The following DNAH11 variants were observed in gnomAD, a reference collection of about 807,000 sequenced individuals.
DNAH11 encodes the protein dynein axonemal heavy chain 11, also known as axonemal beta dynein heavy chain 11.
In DNAH11, 442 loss-of-function variants were observed where a neutral mutation model predicts 526.0. The ratio of observed to expected loss-of-function variants is 0.84; its 90% confidence interval spans 0.78 to 0.91. DNAH11 has a LOEUF of 0.91. Ranked by LOEUF, DNAH11 falls within the 40% of genes least tolerant of loss-of-function variation. DNAH11 has a pLI of 0.00. For synonymous variants in DNAH11, 2,461 were observed against 1,935.9 expected (o/e 1.27, Z -7.12); for missense variants, 6,989 against 5,448.7 (o/e 1.28, Z -8.90).
chr7:21,735,568 T>C (rs948725538), intron 45 of DNAH11, 72 bp from the exon 46 acceptor site: 1 of 1,330,910 alleles, frequency 7.5e-7, no homozygotes, highest in Admixed American at 2.2e-5. Flanking sequence ...ATATAAAATT[T>C]TGGAATGCCT....
chr7:21,565,325 A>G (rs1477838356), intron 6 of DNAH11, among the ~76,000 whole-genome samples: 1 of 152,138 alleles, frequency 6.6e-6, no homozygotes, highest in African/African-American at 2.4e-5. Flanking sequence ...ATTTAATCAC[A>G]GTTACCTCCT....
chr7:21,866,417 A>T (rs1026271572), intron 70 of DNAH11, 53 bp from the exon 71 acceptor site: 2 of 1,516,546 alleles, frequency 1.3e-6, no homozygotes, highest in African/African-American at 2.8e-5. Flanking sequence ...CTTCTTCTCA[A>T]ACTGTAAAGT....
intron 28 of DNAH11, among the ~76,000 whole-genome samples, chr7:21,652,260 A>G (rs1006987477): frequency 1.3e-5 from 2 of 152,218 alleles, no homozygotes; most frequent in African/African-American, 4.8e-5. Context: ...GCCAGGAAAA[A>G]CAAACATATT....
At chr7:21,746,310 A>G (rs1786149762) in intron 51 of DNAH11, among the ~76,000 whole-genome samples, 1 of 152,218 alleles carries the variant, frequency 6.6e-6, no homozygotes, top group African/African-American at 2.4e-5. Context: ...GAAATCATTG[A>G]AAACAAGAAG....
At chr7:21,671,631 A>G (rs75964717) in intron 30 of DNAH11, among the ~76,000 whole-genome samples, 25 of 151,634 alleles carry the variant, frequency 1.6e-4, no homozygotes, top group African/African-American at 5.3e-4. Flanking sequence ...GGTTTTCTCT[A>G]TAGCTTGTTT....
At chr7:21,637,190 TTC>T (rs977769030) in intron 26 of DNAH11, among the ~76,000 whole-genome samples, 4 of 151,782 alleles carry the variant, frequency 2.6e-5, no homozygotes, top group African/African-American at 9.7e-5. Flanking sequence ...GTCTCTCTCT[TTC>T]TCTCTCTCCC....
chr7:21,561,635 T>C (rs2128432177), intron 5 of DNAH11, among the ~76,000 whole-genome samples: 1 of 152,262 alleles, frequency 6.6e-6, no homozygotes, highest in East Asian at 1.9e-4. Flanking sequence ...TGTTGAACTT[T>C]GAATAGACAA....
At chr7:21,900,963 T>C (rs774696996) in intron 81 of DNAH11, 44 bp from the exon 82 acceptor site, 1 of 1,523,618 alleles carries the variant, frequency 6.6e-7, no homozygotes, top group Admixed American at 2.2e-5. Context: ...TTATCATTAG[T>C]AGCAAGCTGC....
In DNAH11 at chr7:21,873,387, A is replaced by C. The variant is rs1015748995; in HGVS notation, c.12081A>C (p.Thr4027=). 1 of 1,613,832 alleles carries C rather than the reference A, an allele frequency of 6.2e-7. No homozygotes were observed. The highest frequency in any genetic ancestry group is 1.3e-5 in the African/African-American group (1 of 74,918). Residue 4027 remains threonine (T), a synonymous_variant, in exon 74 of 82, where the codon ACA becomes ACC. Transcript: ENST00000409508. The stretch of plus-strand genomic sequence containing the variant: ...TCATGAGTGCTGAGTCTGCACCTAC[A>C]CCAGATGAGCATATCATCCCTCAAG... ...RVFMSAESAP[T]PDEHIIPQGL... is the part of the protein sequence containing the mutation.
intron 79 of DNAH11, among the ~76,000 whole-genome samples, chr7:21,899,013 A>C (rs1483767171): frequency 6.6e-6 from 1 of 152,186 alleles, no homozygotes; most frequent in African/African-American, 2.4e-5. Flanking sequence ...AGTCCAAGTC[A>C]TAGGGTGATG....
intron 61 of DNAH11, among the ~76,000 whole-genome samples, chr7:21,790,288 T>C (rs983526765): frequency 6.6e-6 from 1 of 151,650 alleles, no homozygotes; most frequent in South Asian, 2.1e-4. Context: ...CTACTAAAAA[T>C]ACAAAAAGAA....
intron 62 of DNAH11, 40 bp downstream of exon 62, chr7:21,801,315 A>C (rs1392266287): frequency 6.2e-7 from 1 of 1,608,716 alleles, no homozygotes; most frequent in African/African-American, 1.3e-5. Flanking sequence ...TAAAATGTTC[A>C]GATCAGCTTG....
chr7:21,796,657 A>G (rs1788727433), intron 61 of DNAH11, among the ~76,000 whole-genome samples: 1 of 152,216 alleles, frequency 6.6e-6, no homozygotes, highest in Non-Finnish European at 1.5e-5. Flanking sequence ...GCCAGATACC[A>G]CAGTGCATCT....
intron 42 of DNAH11, among the ~76,000 whole-genome samples, chr7:21,714,174 G>A (rs993507635): frequency 6.6e-6 from 1 of 152,206 alleles, no homozygotes; most frequent in Non-Finnish European, 1.5e-5. Flanking sequence ...CTTCTATGCA[G>A]TACATCAAAG....
At chr7:21,703,071 A>G (rs192563330) in intron 37 of DNAH11, among the ~76,000 whole-genome samples, 1 of 152,244 alleles carries the variant, frequency 6.6e-6, no homozygotes, top group Non-Finnish European at 1.5e-5. Flanking sequence ...ATAATCAAAT[A>G]ATTCAGTAAT....
rs1403026719 is a variant in DNAH11, at chr7:21,861,886, C to T, written c.11236C>T (p.Gln3746Ter). 6.2e-7 allele frequency: 1 copy of T among 1,613,424 alleles called. No homozygotes were observed. The highest frequency in any genetic ancestry group is 8.5e-7 in the Non-Finnish European group (1 of 1,179,672). Reference sequence around the variant, plus strand: ...CGTGCTGTTCCACAGAGCGATCGAGCAGGCTGACAAGGTGGAAGACATGCA... The same window carrying T: ...CGTGCTGTTCCACAGAGCGATCGAGTAGGCTGACAAGGTGGAAGACATGCA... Reference protein sequence around the residue: ...FNVLFHRAIEQADKVEDMQGR... With the variant: ...FNVLFHRAIE The change falls in exon 69 of 82, where the codon CAG (glutamine) becomes TAG (stop). Residue 3746 changes from glutamine to a stop codon, truncating the protein, a stop_gained. Transcript: ENST00000409508. LOFTEE classifies it high-confidence loss of function.
At chr7:21,598,444 A>G (rs547462366) in intron 14 of DNAH11, among the ~76,000 whole-genome samples, 2 of 152,266 alleles carry the variant, frequency 1.3e-5, no homozygotes, top group African/African-American at 4.8e-5. Flanking sequence ...TGGCTTGTCC[A>G]TTGTGTCGCC....
chr7:21,621,703 C>G (rs567779095), intron 25 of DNAH11, among the ~76,000 whole-genome samples: 25 of 151,904 alleles, frequency 1.6e-4, no homozygotes, highest in African/African-American at 5.3e-4. Context: ...AGCATATAAA[C>G]AGAACCAAAG....
intron 50 of DNAH11, 58 bp downstream of exon 50, chr7:21,744,657 C>G (rs1583652148): frequency 1.3e-6 from 2 of 1,588,330 alleles, no homozygotes; most frequent in Non-Finnish European, 1.7e-6. Flanking sequence ...GGTATTGGGA[C>G]TAAAGTTAGA....
Sources: gnomAD v4.1 joint callset for allele counts (sites outside exome capture counted in the v4.1 genomes callset) on GRCh38, gnomAD v4.1.1 for gene constraint, MANE v1.5 for transcripts, NCBI Gene and HGNC (gene_info 2026-07-23, HGNC 2026-07-21) for gene names.